CYP7B1: variants seen among roughly 807,000 people sequenced by gnomAD.
CYP7B1 encodes the protein cytochrome P450 family 7 subfamily B member 1.
CYP7B1 carries 29 observed loss-of-function variants against 42.7 expected under a neutral mutation model. The ratio of observed to expected loss-of-function variants is 0.68; its 90% CI spans 0.51 to 0.93. The LOEUF (loss-of-function observed/expected upper bound fraction) is 0.93. Ranked by LOEUF, CYP7B1 falls within the 40% of genes least tolerant of loss-of-function variation. The pLI is 0.00. For synonymous variants in CYP7B1, 235 were observed against 218.2 expected, an observed-to-expected ratio of 1.08 and a Z score of -0.68; for missense variants, 655 against 600.5, an observed-to-expected ratio of 1.09 and a Z score of -0.95.
chr8:64,623,078 G>A (rs1805555479), intron 2 of CYP7B1, among the ~76,000 whole-genome samples: 1 of 152,056 alleles, frequency 6.6e-6, no homozygotes, highest in Admixed American at 6.5e-5. Flanking sequence ...GCAAAGAGAG[G>A]GAATAGCTAG....
intron 1 of CYP7B1, among the ~76,000 whole-genome samples, chr8:64,776,393 C>T (rs1307849138): frequency 6.6e-6 from 1 of 152,040 alleles, no homozygotes; most frequent in Non-Finnish European, 1.5e-5. Context: ...CTTTAAGTTG[C>T]TGACAAATAA....
intron 4 of CYP7B1, among the ~76,000 whole-genome samples, chr8:64,606,544 C>A (rs557631561): frequency 1.3e-5 from 2 of 152,042 alleles, no homozygotes; most frequent in Admixed American, 6.6e-5. Flanking sequence ...TATAACAGTC[C>A]GAATAACATG....
chr8:64,593,038 T>C lies in CYP7B1; in HGVS notation c.*3604A>G, dbSNP rs1383869893. ...TTCCATTTCTAAATTCCTGTACACA[T>C]TTCCAGTTATAAAATAAGCCGAAAT... On this transcript the variant is annotated 3_prime_UTR_variant, in exon 6 of 6. Transcript: ENST00000310193. Among the ~76,000 whole-genome samples, 2 of 152,238 alleles carry C rather than the reference T, an allele frequency of 1.3e-5. No homozygotes were observed. Among genetic ancestry groups the C allele is most frequent in the East Asian group, 3.8e-4 (2 of 5,204 alleles).
chr8:64,624,951 C>CTTTTTTTTTTTTTTTTTTTTTTTT (rs71260892), intron 1 of CYP7B1, among the ~76,000 whole-genome samples: 1 of 54,022 alleles, frequency 1.9e-5, no homozygotes, highest in African/African-American at 1.0e-4. Context: ...TTATATCATT[C>CTTTTTTTTTTTTTTTTTTTTTTTT]TTTTTTTTTT....
chr8:64,774,636 C>T (rs910774309), intron 1 of CYP7B1, among the ~76,000 whole-genome samples: 1 of 152,038 alleles, frequency 6.6e-6, no homozygotes, highest in Non-Finnish European at 1.5e-5. Context: ...ATAAACAGGT[C>T]CCATATTTAT....
At chr8:64,798,172 G>A (rs1804735356) in intron 1 of CYP7B1, among the ~76,000 whole-genome samples, 1 of 152,220 alleles carries the variant, frequency 6.6e-6, no homozygotes, top group Admixed American at 6.5e-5. Context: ...GCAGTGGCAA[G>A]GCACACAATG....
rs867722196 is a variant in CYP7B1, at chr8:64,794,977, C to T, written c.122+3489G>A. On this transcript the variant is annotated intron_variant, in intron 1 of 5. Coordinates refer to ENST00000310193, the MANE Select transcript of CYP7B1 (RefSeq NM_004820.5). ...AAATACTGGCAAGGATGTGGAGCAA[C>T]GTAAACCCTCATGTATTACTGGCGG... is the stretch of plus-strand genomic sequence containing the variant. 4.6e-5 allele frequency among the ~76,000 whole-genome samples: 7 copies of T among 151,914 alleles called. No individual in the cohort carries two copies. In the South Asian group the frequency reaches 1.0e-3, roughly 23 times the overall value.
intron 1 of CYP7B1, among the ~76,000 whole-genome samples, chr8:64,696,169 A>G (rs1806825537): frequency 6.6e-6 from 1 of 152,158 alleles, no homozygotes; most frequent in Non-Finnish European, 1.5e-5. Flanking sequence ...GATAATTTCC[A>G]AAGCAGGTAT....
At chr8:64,654,215 GAGA>G (rs940758625) in intron 1 of CYP7B1, among the ~76,000 whole-genome samples, 2 of 152,144 alleles carry the variant, frequency 1.3e-5, no homozygotes, top group African/African-American at 4.8e-5. Flanking sequence ...CAAGTAGAAA[GAGA>G]AGAAGTCAAA....
chr8:64,677,671 T>C (rs1329018507), intron 1 of CYP7B1, among the ~76,000 whole-genome samples: 3 of 146,740 alleles, frequency 2.0e-5, no homozygotes, highest in Middle Eastern at 3.6e-3. Context: ...GGTAATGTGA[T>C]GGAAGGAATG....
intron 4 of CYP7B1, among the ~76,000 whole-genome samples, chr8:64,609,964 TCAGAATCTCTAAG>T (rs1243515544): frequency 1.3e-5 from 2 of 152,092 alleles, no homozygotes; most frequent in Non-Finnish European, 2.9e-5. Flanking sequence ...ACCAATGCAA[TCAGAATCTCTAAG>T]GGTGGGGCAA....
chr8:64,701,972 G>A (rs1407094837), intron 1 of CYP7B1, among the ~76,000 whole-genome samples: 1 of 151,978 alleles, frequency 6.6e-6, no homozygotes, highest in Non-Finnish European at 1.5e-5. Flanking sequence ...CAGGCTGCAT[G>A]GGATCGACAC....
chr8:64,798,311 T>C (rs761726698), intron 1 of CYP7B1, among the ~76,000 whole-genome samples, 155 bp downstream of exon 1: 1 of 152,236 alleles, frequency 6.6e-6, no homozygotes, highest in Admixed American at 6.5e-5. Flanking sequence ...GAAGAAGCCT[T>C]TGTTATTACA....
intron 1 of CYP7B1, among the ~76,000 whole-genome samples, chr8:64,786,171 C>A (rs1202540422): frequency 6.6e-6 from 1 of 152,142 alleles, no homozygotes; most frequent in African/African-American, 2.4e-5. Flanking sequence ...GCTGGCCCCT[C>A]CCAAATCTCA....
intron 1 of CYP7B1, among the ~76,000 whole-genome samples, chr8:64,746,519 T>A (rs1322662040): frequency 1.3e-5 from 2 of 152,214 alleles, no homozygotes; most frequent in African/African-American, 4.8e-5. Flanking sequence ...TGCATTTGTA[T>A]TTTGGTGATT....
At chr8:64,603,729 C>G (rs976278274) in intron 5 of CYP7B1, among the ~76,000 whole-genome samples, 9 of 152,220 alleles carry the variant, frequency 5.9e-5, no homozygotes, top group Non-Finnish European at 1.0e-4. Flanking sequence ...TCCCCCCACA[C>G]TTAAGTCATT....
chr8:64,748,030 C>T (rs920409029), intron 1 of CYP7B1, among the ~76,000 whole-genome samples: 5 of 152,188 alleles, frequency 3.3e-5, no homozygotes, highest in African/African-American at 1.2e-4. Flanking sequence ...GTCCTTCCCA[C>T]CCAAACTCCT....
intron 1 of CYP7B1, among the ~76,000 whole-genome samples, chr8:64,670,332 T>C (rs1489277276): frequency 6.6e-6 from 1 of 152,200 alleles, no homozygotes; most frequent in East Asian, 1.9e-4. Context: ...AAGGTAAAAT[T>C]ATGTAAAGTC....
At chr8:64,617,842 A>G (rs560885984) in intron 2 of CYP7B1, among the ~76,000 whole-genome samples, 1 of 151,940 alleles carries the variant, frequency 6.6e-6, no homozygotes, top group African/African-American at 2.4e-5. Flanking sequence ...AAACAGATAA[A>G]TATGTTTTTG....
Sources: allele counts gnomAD v4.1 joint callset (sites outside exome capture counted in the v4.1 genomes callset), GRCh38; gene constraint gnomAD v4.1.1; transcripts MANE v1.5; gene names NCBI Gene and HGNC (gene_info 2026-07-23, HGNC 2026-07-21).